NKAIN2: variants seen among roughly 807,000 people sequenced by gnomAD.
NKAIN2 encodes sodium/potassium transporting ATPase interacting 2.
A neutral mutation model predicts 32.6 loss-of-function variants in NKAIN2; 14 were observed. The ratio of observed to expected loss-of-function variants is 0.43; its 90% CI spans 0.28 to 0.67. The LOEUF (loss-of-function observed/expected upper bound fraction) is 0.67. Ranked by LOEUF, NKAIN2 falls within the 30% of genes least tolerant of loss-of-function variation. NKAIN2 has a pLI of 0.17. For synonymous variants in NKAIN2, 80 were observed against 87.2 expected (o/e 0.92, Z 0.46); for missense variants, 198 against 258.3 (o/e 0.77, Z 1.60).
At chr6:124,712,945 CTTAAA>C (rs1178142775) in intron 4 of NKAIN2, among the ~76,000 whole-genome samples, 3 of 152,018 alleles carry the variant, frequency 2.0e-5, no homozygotes, top group Non-Finnish European at 4.4e-5. Flanking sequence ...AGGCTTAGGT[CTTAAA>C]TTATAGAGTT....
intron 3 of NKAIN2, among the ~76,000 whole-genome samples, chr6:124,411,471 C>G (rs1417141908): frequency 7.3e-4 from 97 of 133,332 alleles, no homozygotes; most frequent in African/African-American, 2.1e-3. Context: ...GAAATTCTGG[C>G]TTGAAAATTC....
At chr6:124,737,293 A>T (rs1188479255) in intron 4 of NKAIN2, among the ~76,000 whole-genome samples, 1 of 151,868 alleles carries the variant, frequency 6.6e-6, no homozygotes, top group Non-Finnish European at 1.5e-5. Flanking sequence ...TAAGTCAATG[A>T]GTTCTCACAA....
intron 1 of NKAIN2, among the ~76,000 whole-genome samples, chr6:124,024,978 C>T (rs1781039549): frequency 7.2e-6 from 1 of 138,024 alleles, no homozygotes; most frequent in Admixed American, 7.2e-5. Context: ...AGTGAGATTC[C>T]GTCTCAAAAA....
intron 3 of NKAIN2, among the ~76,000 whole-genome samples, chr6:124,588,653 TTC>T (rs769778591): frequency 9.2e-5 from 14 of 152,188 alleles, no homozygotes; most frequent in Non-Finnish European, 1.9e-4. Flanking sequence ...CTATATATTC[TTC>T]TCAGAAAGTA....
intron 1 of NKAIN2, among the ~76,000 whole-genome samples, chr6:124,253,831 C>CTTT (rs774924597): frequency 3.0e-5 from 4 of 134,144 alleles, no homozygotes; most frequent in South Asian, 2.4e-4. Context: ...CAATGTTCTA[C>CTTT]TTTTTTTTTT....
chr6:124,048,101 G>A (rs1782228062), intron 1 of NKAIN2, among the ~76,000 whole-genome samples: 1 of 151,968 alleles, frequency 6.6e-6, no homozygotes, highest in African/African-American at 2.4e-5. Flanking sequence ...TGCTTGCCTT[G>A]ATGGCTTCTG....
chr6:124,054,762 T>A (rs1782573352), intron 1 of NKAIN2, among the ~76,000 whole-genome samples: 1 of 151,992 alleles, frequency 6.6e-6, no homozygotes, highest in Admixed American at 6.6e-5. Flanking sequence ...CCTTTCAGGT[T>A]GCCGGAGACA....
chr6:124,262,145 G>C (rs1027964416), intron 1 of NKAIN2, among the ~76,000 whole-genome samples: 1 of 152,132 alleles, frequency 6.6e-6, no homozygotes, highest in African/African-American at 2.4e-5. Context: ...CCGTTGAACT[G>C]GCTGTGACTA....
chr6:124,511,436 C>T (rs775893846), intron 3 of NKAIN2, among the ~76,000 whole-genome samples: 50 of 152,118 alleles, frequency 3.3e-4, no homozygotes, highest in Non-Finnish European at 8.8e-5. Flanking sequence ...CCATGGACTG[C>T]CCACACATGA....
chr6:124,333,592 G>A (rs9372774), intron 2 of NKAIN2, among the ~76,000 whole-genome samples: 48,109 of 151,806 alleles, frequency 0.32, 8,496 homozygotes, highest in South Asian at 0.46. Context: ...CCTGGGAGGC[G>A]GAGGTTGCAG....
At chr6:124,204,576 G>A (rs1790763880) in intron 1 of NKAIN2, among the ~76,000 whole-genome samples, 1 of 151,734 alleles carries the variant, frequency 6.6e-6, no homozygotes, top group African/African-American at 2.4e-5. Context: ...CGGTTAAGTG[G>A]TCATGTTAGC....
chr6:124,147,390 C>A (rs1214064606), intron 1 of NKAIN2, among the ~76,000 whole-genome samples: 4 of 151,926 alleles, frequency 2.6e-5, no homozygotes, highest in Non-Finnish European at 5.9e-5. Context: ...GAACAGTCTC[C>A]ACCATACATG....
chr6:123,990,189 G>A (rs112880273), intron 1 of NKAIN2, among the ~76,000 whole-genome samples: 11,132 of 152,230 alleles, frequency 0.073, 1,240 homozygotes, highest in African/African-American at 0.24. Context: ...CCGTGATCCA[G>A]TTACCTCTAC....
At chr6:123,979,418 G>C (rs1778791128) in intron 1 of NKAIN2, among the ~76,000 whole-genome samples, 1 of 152,100 alleles carries the variant, frequency 6.6e-6, no homozygotes, top group Non-Finnish European at 1.5e-5. Flanking sequence ...CCCTATTTCA[G>C]GACTGGTTCT....
intron 1 of NKAIN2, among the ~76,000 whole-genome samples, chr6:123,894,756 C>T (rs1461727447): frequency 4.6e-5 from 7 of 151,784 alleles, no homozygotes; most frequent in East Asian, 1.9e-4. Flanking sequence ...TATGTGAATG[C>T]GGGGAAGGGG....
At chr6:123,816,076 T>C (rs1773682510) in intron 1 of NKAIN2, among the ~76,000 whole-genome samples, 1 of 152,170 alleles carries the variant, frequency 6.6e-6, no homozygotes, top group African/African-American at 2.4e-5. Context: ...AGGATTTCTA[T>C]AGCTAGAGAT....
chr6:124,017,339 C>T (rs1166582560), intron 1 of NKAIN2, among the ~76,000 whole-genome samples: 8 of 152,176 alleles, frequency 5.3e-5, no homozygotes, highest in East Asian at 3.9e-4. Context: ...GGGACACAGA[C>T]GAACTGTATT....
At chr6:124,198,809 A>G (rs1053080745) in intron 1 of NKAIN2, among the ~76,000 whole-genome samples, 1 of 152,040 alleles carries the variant, frequency 6.6e-6, no homozygotes, top group Non-Finnish European at 1.5e-5. Context: ...TGTGTCCTGT[A>G]TCTCCTTGTA....
intron 1 of NKAIN2, among the ~76,000 whole-genome samples, chr6:123,946,243 C>T (rs1365813512): frequency 1.3e-5 from 2 of 152,006 alleles, no homozygotes; most frequent in African/African-American, 2.4e-5. Flanking sequence ...TCAGAATGAA[C>T]GTCTTCAATT....
Sources: gnomAD v4.1 joint callset for allele counts (sites outside exome capture counted in the v4.1 genomes callset) on GRCh38, gnomAD v4.1.1 for gene constraint, MANE v1.5 for transcripts, NCBI Gene and HGNC (gene_info 2026-07-23, HGNC 2026-07-21) for gene names.